Variants in CADPS2 observed in about 807,000 individuals in gnomAD.
CADPS2 encodes calcium dependent secretion activator 2, also known as calcium-dependent secretion activator 2.
In CADPS2, 93 loss-of-function variants were observed where a neutral mutation model predicts 172.5. That is an observed-to-expected ratio of 0.54 (90% CI 0.46 to 0.64). CADPS2 has a LOEUF of 0.64. Ranked by LOEUF, CADPS2 falls within the 30% of genes least tolerant of loss-of-function variation. The probability of loss-of-function intolerance (pLI) is 0.00; values close to 1 mark genes in which losing one functional copy is unlikely to be tolerated. For missense variants in CADPS2, 1,420 were observed against 1,565.9 expected, an observed-to-expected ratio of 0.91 and a Z score of 1.57; for synonymous variants, 546 against 555.2, an observed-to-expected ratio of 0.98 and a Z score of 0.23.
At position 122,764,962 on chromosome 7, in the gene CADPS2, G is replaced by C. The variant is rs1325031094; in HGVS notation, c.340-27894C>G. On this transcript the variant is annotated intron_variant, in intron 1 of 29. Transcript: ENST00000449022. The stretch of plus-strand genomic sequence containing the variant: ...TTTACTAAATAACTTTGCTATTTCT[G>C]TACCTCCTACCACAACTCAGCTTGG... 2.6e-5 allele frequency among the ~76,000 whole-genome samples: 4 copies of C among 152,132 alleles called. No individual in the cohort carries two copies. In the East Asian group the frequency reaches 7.7e-4, roughly 29 times the overall value.
At chr7:122,816,076 A>T (rs1228226673) in intron 1 of CADPS2, among the ~76,000 whole-genome samples, 1 of 152,074 alleles carries the variant, frequency 6.6e-6, no homozygotes, top group Non-Finnish European at 1.5e-5. Context: ...ATTATTATTA[A>T]CTACAGTCAC....
intron 1 of CADPS2, among the ~76,000 whole-genome samples, chr7:122,877,004 C>G (rs570835821): frequency 6.6e-6 from 1 of 152,126 alleles, no homozygotes; most frequent in South Asian, 2.1e-4. Context: ...AGACCTTTCT[C>G]TTATGAACAT....
intron 7 of CADPS2, among the ~76,000 whole-genome samples, chr7:122,571,028 TATA>T (rs987966148): frequency 3.6e-4 from 55 of 151,984 alleles, no homozygotes; most frequent in African/African-American, 9.7e-4. Context: ...AAACTTAAAG[TATA>T]ATAATAATAA....
rs1372817598 is a variant in CADPS2, at chr7:122,706,076, TTTATATATTCAAGGAATATATATATATGC to T, written c.453+30850_453+30878del. Among the ~76,000 whole-genome samples, 57 of 84,614 alleles carry T rather than the reference TTTATATATTCAAGGAATATATATATATGC, an allele frequency of 6.7e-4. 2 individuals are homozygous for T. Among genetic ancestry groups the T allele is most frequent in the Admixed American group, 1.0e-3 (5 of 4,890 alleles). The allele number at this position is 84,614 out of a possible 152,430, so 55.5% of individuals were successfully genotyped here. Reference sequence around the variant, plus strand: ...TATATATTCAAGGAATATATATATGTTTATATATTCAAGGAATATATATATATGCTTATATATTCAAGGAATATATATAT... The same window carrying T: ...TATATATTCAAGGAATATATATATGTTTATATATTCAAGGAATATATATAT... On this transcript the variant is annotated intron_variant, in intron 2 of 29. Coordinates refer to ENST00000449022, the MANE Select transcript of CADPS2 (RefSeq NM_017954.11).
chr7:122,820,604 G>A lies in CADPS2; in HGVS notation c.339+65395C>T, dbSNP rs1156802045. On this transcript the variant is annotated intron_variant, in intron 1 of 29. Coordinates refer to ENST00000449022, the MANE Select transcript of CADPS2 (RefSeq NM_017954.11). The stretch of plus-strand genomic sequence containing the variant: ...AGACGGAGTCTCGCTCTGTCGCCCA[G>A]GCTGGAGTGCAGTGGCGCGATCTCG... Among the ~76,000 whole-genome samples the A allele has an allele frequency of 7.9e-5, 9 of 114,472 alleles. No individual in the cohort carries two copies. In the South Asian group the frequency reaches 1.5e-3, roughly 19 times the overall value. The allele number at this position is 114,472 out of a possible 152,430, so 75.1% of individuals were successfully genotyped here.
At chr7:122,598,065 TTTC>T (rs1330939638) in intron 6 of CADPS2, among the ~76,000 whole-genome samples, 1 of 152,102 alleles carries the variant, frequency 6.6e-6, no homozygotes, top group Non-Finnish European at 1.5e-5. Context: ...AGAACTACCA[TTTC>T]TTTTTTCTTA....
chr7:122,680,059 A>G (rs1441657415), intron 2 of CADPS2, among the ~76,000 whole-genome samples: 1 of 152,236 alleles, frequency 6.6e-6, no homozygotes, highest in African/African-American at 2.4e-5. Context: ...AGAGTCAGCT[A>G]TGTTAGATTT....
intron 2 of CADPS2, among the ~76,000 whole-genome samples, chr7:122,688,347 A>G (rs1347222751): frequency 1.3e-5 from 2 of 152,226 alleles, no homozygotes; most frequent in South Asian, 2.1e-4. Context: ...CACTGCCTTC[A>G]TTTATATTTT....
chr7:122,819,049 A>T (rs554360537), intron 1 of CADPS2, among the ~76,000 whole-genome samples: 3 of 152,072 alleles, frequency 2.0e-5, no homozygotes, highest in South Asian at 2.1e-4. Flanking sequence ...CTTCAAGGTG[A>T]ACAATAATAG....
chr7:122,772,071 T>A (rs568228201), intron 1 of CADPS2, among the ~76,000 whole-genome samples: 2 of 152,286 alleles, frequency 1.3e-5, no homozygotes, highest in East Asian at 3.9e-4. Flanking sequence ...TTTGAGCTAA[T>A]ACACTTGACA....
chr7:122,687,441 C>T (rs1440542943), intron 2 of CADPS2, among the ~76,000 whole-genome samples: 2 of 152,168 alleles, frequency 1.3e-5, no homozygotes, highest in East Asian at 3.9e-4. Context: ...GTGGTTAAGA[C>T]CATGAGCTGT....
intron 2 of CADPS2, among the ~76,000 whole-genome samples, chr7:122,723,943 C>T (rs1322247269): frequency 6.6e-6 from 1 of 150,614 alleles, no homozygotes; most frequent in East Asian, 2.0e-4. Flanking sequence ...AATCCAAACA[C>T]CACATGTTCT....
intron 2 of CADPS2, among the ~76,000 whole-genome samples, chr7:122,676,277 T>C (rs542349843): frequency 6.6e-6 from 1 of 152,334 alleles, no homozygotes; most frequent in East Asian, 1.9e-4. Context: ...TCTCAATTAC[T>C]TGTTAGGGTC....
At chr7:122,471,075 A>C (rs933425974) in intron 14 of CADPS2, among the ~76,000 whole-genome samples, 5 of 152,168 alleles carry the variant, frequency 3.3e-5, no homozygotes, top group Non-Finnish European at 7.3e-5. Context: ...AGGGATACTT[A>C]AGGCTATTCA....
chr7:122,646,860 T>A (rs1170684575), intron 3 of CADPS2, among the ~76,000 whole-genome samples: 1 of 152,116 alleles, frequency 6.6e-6, no homozygotes, highest in Non-Finnish European at 1.5e-5. Context: ...CTATGTGAGA[T>A]AATGAAGTCT....
chr7:122,550,100 T>C (rs1184914366), intron 8 of CADPS2, among the ~76,000 whole-genome samples: 5 of 152,200 alleles, frequency 3.3e-5, no homozygotes, highest in Non-Finnish European at 4.4e-5. Flanking sequence ...TCCCAACCTC[T>C]GGATGCCCAG....
chr7:122,725,092 A>G (rs1448490668), intron 2 of CADPS2, among the ~76,000 whole-genome samples: 1 of 152,068 alleles, frequency 6.6e-6, no homozygotes, highest in Admixed American at 6.6e-5. Context: ...AGAGAGCTGC[A>G]GTGGAATGTA....
chr7:122,811,492 T>C (rs567655620), intron 1 of CADPS2, among the ~76,000 whole-genome samples: 107 of 152,336 alleles, frequency 7.0e-4, no homozygotes, highest in African/African-American at 2.5e-3. Context: ...TAATTTTTCA[T>C]GTTTTTACAT....
At chr7:122,519,306 AC>A (rs2060608348) in intron 8 of CADPS2, among the ~76,000 whole-genome samples, 1 of 152,114 alleles carries the variant, frequency 6.6e-6, no homozygotes, top group Admixed American at 6.6e-5. Flanking sequence ...CTGCCCAGAT[AC>A]TATTTAAAGT....
Sources: allele counts gnomAD v4.1 joint callset (sites outside exome capture counted in the v4.1 genomes callset), GRCh38; gene constraint gnomAD v4.1.1; transcripts MANE v1.5; gene names NCBI Gene and HGNC (gene_info 2026-07-23, HGNC 2026-07-21).